The following LSM14A variants were observed in gnomAD, a reference collection of about 807,000 sequenced individuals.
LSM14A encodes protein LSM14 homolog A.
Under a neutral mutation model 52.4 loss-of-function variants are expected in LSM14A, and 14 were observed. That is an observed-to-expected ratio of 0.27 (90% CI 0.18 to 0.42). The LOEUF (loss-of-function observed/expected upper bound fraction) is 0.42. LSM14A is among the 10% of genes least tolerant of loss of function. The probability of loss-of-function intolerance (pLI) is 1.00; values close to 1 mark genes in which losing one functional copy is unlikely to be tolerated. For synonymous variants in LSM14A, 185 were observed against 200.3 expected, an observed-to-expected ratio of 0.92 and a Z score of 0.64; for missense variants, 417 against 581.8, an observed-to-expected ratio of 0.72 and a Z score of 2.91.
chr19:34,192,632 C>CAAAAAAAAAAAAAA (rs548374017), intron 1 of LSM14A, among the ~76,000 whole-genome samples: 7 of 76,952 alleles, frequency 9.1e-5, no homozygotes, highest in East Asian at 9.2e-4. Flanking sequence ...ATCAGTTCTG[C>CAAAAAAAAAAAAAA]AAAAAAAAAA....
intron 3 of LSM14A, among the ~76,000 whole-genome samples, chr19:34,204,126 A>G (rs2071511513): frequency 6.6e-6 from 1 of 152,218 alleles, no homozygotes; most frequent in African/African-American, 2.4e-5. Context: ...CATCAAGAAG[A>G]TACAACAGTC....
intron 1 of LSM14A, among the ~76,000 whole-genome samples, chr19:34,176,528 G>GT: frequency 6.6e-6 from 1 of 152,134 alleles, no homozygotes; most frequent in Admixed American, 6.5e-5. Context: ...TACCATATAA[G>GT]TTTACATCTC....
At chr19:34,177,039 C>T (rs2145469928) in intron 1 of LSM14A, among the ~76,000 whole-genome samples, 1 of 152,276 alleles carries the variant, frequency 6.6e-6, no homozygotes, top group South Asian at 2.1e-4. Flanking sequence ...ACCAGCTTTT[C>T]ATATCTGGGT....
intron 3 of LSM14A, among the ~76,000 whole-genome samples, chr19:34,201,500 G>A (rs1035996291): frequency 2.6e-5 from 4 of 152,066 alleles, no homozygotes; most frequent in African/African-American, 2.4e-5. Context: ...GTGCCACCAC[G>A]CCCAGCTAAT....
intron 1 of LSM14A, among the ~76,000 whole-genome samples, chr19:34,173,646 C>T (rs566127891): frequency 2.6e-4 from 40 of 152,264 alleles, no homozygotes; most frequent in Admixed American, 2.0e-3. Context: ...GCCTTTGCTC[C>T]GCCAGGAAAC....
At position 34,208,936 on chromosome 19, in the gene LSM14A, C is replaced by T. The variant is rs535785033; in HGVS notation, c.423C>T (p.Ser141=). The change falls in exon 4 of 10, where the codon AGC becomes AGT. Residue 141 remains serine (S), a synonymous_variant. Transcript: ENST00000544216. ...TAAAAACATCTCTTTAAGCTGGAAG[C>T]TCTTTGACATCCTTTGGAACAGAAA... ...QQFGAVGVAG[S]SLTSFGTETS... The T allele has an allele frequency of 1.3e-6, 2 of 1,590,728 alleles. No individual in the cohort carries two copies. Among genetic ancestry groups the T allele is most frequent in the African/African-American group, 1.4e-5 (1 of 74,070 alleles).
Position 34,194,573 on chromosome 19 carries a change from A to G in LSM14A, c.217A>G (p.Lys73Glu). Residue 73 changes from lysine (K) to glutamate (E), a missense_variant, in exon 2 of 10, where the codon AAA becomes GAA. Around this residue, in one of 2 missense-constraint regions of LSM14A, gnomAD observed 60 missense variants for 124.8 expected, o/e 0.48. Transcript: ENST00000544216. ...CATTATATTCCGTGGGAGTGACATTAAAGACCTTACTGTTTGTGAGCCACC... is the reference window on the plus strand; with the variant it reads ...CATTATATTCCGTGGGAGTGACATTGAAGACCTTACTGTTTGTGAGCCACC... ...EYIIFRGSDI[K>E]DLTVCEPPKP... The G allele has an allele frequency of 1.9e-6, 3 of 1,614,190 alleles. No homozygotes were observed. The highest frequency in any genetic ancestry group is 2.5e-6 in the Non-Finnish European group (3 of 1,180,008).
At chr19:34,203,575 G>T (rs1599694126) in intron 3 of LSM14A, among the ~76,000 whole-genome samples, 1 of 152,218 alleles carries the variant, frequency 6.6e-6, no homozygotes, top group East Asian at 1.9e-4. Flanking sequence ...TGAGACGAGT[G>T]AATCATTTGA....
chr19:34,224,906 C>T (rs532317923), intron 9 of LSM14A, among the ~76,000 whole-genome samples: 54 of 152,204 alleles, frequency 3.5e-4, no homozygotes, highest in African/African-American at 1.3e-3. Context: ...AAGTCAGGTC[C>T]CCCCTTTCAC....
chr19:34,186,349 A>G (rs1371465391), intron 1 of LSM14A, among the ~76,000 whole-genome samples: 1 of 152,156 alleles, frequency 6.6e-6, no homozygotes, highest in Non-Finnish European at 1.5e-5. Context: ...CTGTTTAAGT[A>G]TTTTTTGTAT....
chr19:34,192,893 C>T lies in LSM14A; in HGVS notation c.122-1585C>T, dbSNP rs367549435. On this transcript the variant is annotated intron_variant, in intron 1 of 9. Coordinates refer to ENST00000544216, the MANE Select transcript of LSM14A (RefSeq NM_015578.4). ...GCTCAGGAGGCTGAGGCAGGAGAGT[C>T]GCTTGAACCCAAGAGGCAGAGGTTA... Among the ~76,000 whole-genome samples the T allele has an allele frequency of 3.3e-5, 5 of 151,876 alleles. No individual in the cohort carries two copies. The East Asian group carries it at 5.8e-4, about 18-fold the overall frequency.
Position 34,221,656 on chromosome 19 carries a change from G to A in LSM14A, c.1286G>A (p.Gly429Asp), listed in dbSNP as rs1422121506. 6.2e-7 allele frequency: 1 copy of A among 1,614,118 alleles called. No individual in the cohort carries two copies. The highest frequency in any genetic ancestry group is 1.7e-5 in the Admixed American group (1 of 60,008). The change falls in exon 9 of 10, where the codon GGT becomes GAT. Residue 429 changes from glycine to aspartate, a missense_variant. Gly to Asp is a moderately conservative substitution (Grantham distance 94). This residue lies in a region of LSM14A where 357 missense variants were observed against 457.0 expected (regional missense o/e 0.78). Transcript: ENST00000544216. ...AGAGGGCGTGGTGGTGGCAGAGGTG[G>A]TACCTTCACTGCCCCTCGAGGATTT... ...GGRGRGGGRG[G>D]TFTAPRGFRG...
At chr19:34,199,992 C>CAAGGGTA (rs1274620252) in intron 3 of LSM14A, among the ~76,000 whole-genome samples, 5 of 152,198 alleles carry the variant, frequency 3.3e-5, no homozygotes, top group African/African-American at 1.2e-4. Flanking sequence ...CTGGTGGTTA[C>CAAGGGTA]CAACTTCGTT....
At chr19:34,207,320 G>T (rs1425440185) in intron 3 of LSM14A, among the ~76,000 whole-genome samples, 1 of 152,030 alleles carries the variant, frequency 6.6e-6, no homozygotes, top group African/African-American at 2.4e-5. Flanking sequence ...CTGATGTCTT[G>T]GTCATCACCC....
intron 1 of LSM14A, among the ~76,000 whole-genome samples, chr19:34,183,094 TTAAAATA>T (rs1352572906): frequency 1.3e-5 from 2 of 152,076 alleles, no homozygotes; most frequent in African/African-American, 4.8e-5. Flanking sequence ...CATTTGGAGA[TTAAAATA>T]TAAAAACAGC....
At chr19:34,196,352 CTT>C (rs1339131091) in intron 2 of LSM14A, among the ~76,000 whole-genome samples, 3 of 152,044 alleles carry the variant, frequency 2.0e-5, no homozygotes, top group Non-Finnish European at 2.9e-5. Context: ...ACTTAAGTAA[CTT>C]TAATTCTTTC....
intron 3 of LSM14A, among the ~76,000 whole-genome samples, chr19:34,205,487 C>CAAAAAAA (rs140536208): frequency 3.2e-5 from 3 of 95,228 alleles, no homozygotes; most frequent in South Asian, 4.1e-4. Context: ...CTCCATCTCA[C>CAAAAAAA]AAAAAAAAAA....
intron 1 of LSM14A, among the ~76,000 whole-genome samples, chr19:34,183,220 T>G (rs944001120): frequency 4.6e-5 from 7 of 152,184 alleles, no homozygotes; most frequent in Non-Finnish European, 8.8e-5. Context: ...TTCCTGTTGA[T>G]AAATCCTATC....
intron 1 of LSM14A, among the ~76,000 whole-genome samples, chr19:34,173,116 A>T (rs1055181337): frequency 6.6e-6 from 1 of 152,258 alleles, no homozygotes; most frequent in African/African-American, 2.4e-5. Context: ...CGGAGTATTC[A>T]AAGAATTTTT....
Sources: allele counts gnomAD v4.1 joint callset (sites outside exome capture counted in the v4.1 genomes callset), GRCh38; gene constraint gnomAD v4.1.1; regional missense constraint gnomAD v4.1.1; transcripts MANE v1.5; gene names NCBI Gene and HGNC (gene_info 2026-07-23, HGNC 2026-07-21).